The following KATNAL1 variants were observed in gnomAD, a reference collection of about 807,000 sequenced individuals.
KATNAL1 encodes the protein katanin catalytic subunit A1 like 1.
A neutral mutation model predicts 55.2 loss-of-function variants in KATNAL1; 32 were observed. The ratio of observed to expected loss-of-function variants is 0.58; its 90% CI spans 0.44 to 0.78. The LOEUF is 0.78. Ranked by LOEUF, KATNAL1 falls within the 30% of genes least tolerant of loss-of-function variation. KATNAL1 has a pLI of 0.00. For synonymous variants in KATNAL1, 193 were observed against 193.6 expected (o/e 1.00, Z 0.02); for missense variants, 466 against 600.9 (o/e 0.78, Z 2.35).
intron 3 of KATNAL1, among the ~76,000 whole-genome samples, chr13:30,265,270 G>A (rs938844014): frequency 7.2e-5 from 11 of 151,876 alleles, no homozygotes; most frequent in South Asian, 2.1e-4. Context: ...TATACCTAAC[G>A]CTAGATGACG....
chr13:30,211,382 C>A (rs2137340557), intron 9 of KATNAL1, among the ~76,000 whole-genome samples: 1 of 152,316 alleles, frequency 6.6e-6, no homozygotes, highest in Non-Finnish European at 1.5e-5. Flanking sequence ...TTAAATTCCC[C>A]AGCATGTATC....
intron 9 of KATNAL1, among the ~76,000 whole-genome samples, chr13:30,225,832 A>C (rs1451066181): frequency 6.6e-6 from 1 of 152,204 alleles, no homozygotes; most frequent in East Asian, 1.9e-4. Context: ...CTTCATCAAA[A>C]TTTAAAATGT....
chr13:30,218,390 T>C (rs545575373), intron 9 of KATNAL1, among the ~76,000 whole-genome samples: 1 of 152,128 alleles, frequency 6.6e-6, no homozygotes, highest in Admixed American at 6.5e-5. Flanking sequence ...CTGCCATAAT[T>C]TAGATGCTTA....
intron 3 of KATNAL1, among the ~76,000 whole-genome samples, chr13:30,255,983 CT>C (rs558840830): frequency 6.6e-6 from 1 of 151,794 alleles, no homozygotes; most frequent in African/African-American, 2.4e-5. Context: ...GAATAAGTAA[CT>C]TTTTTTTAGA....
At chr13:30,299,325 A>G (rs1311352511) in intron 1 of KATNAL1, among the ~76,000 whole-genome samples, 2 of 152,170 alleles carry the variant, frequency 1.3e-5, no homozygotes, top group East Asian at 3.8e-4. Context: ...AGGAAAAATA[A>G]TATTTATCAT....
chr13:30,285,590 T>C (rs1204980721), intron 1 of KATNAL1, among the ~76,000 whole-genome samples: 1 of 152,124 alleles, frequency 6.6e-6, no homozygotes, highest in East Asian at 1.9e-4. Flanking sequence ...CAGTCTCAAG[T>C]TTTTCTTCAC....
rs566078853 is a variant in KATNAL1, at chr13:30,276,534, A to G, written c.323+3529T>C. Among the ~76,000 whole-genome samples the G allele has an allele frequency of 8.5e-5, 13 of 152,100 alleles. No homozygotes were observed. The East Asian group carries it at 1.7e-3, about 20-fold the overall frequency. On this transcript the variant is annotated intron_variant, in intron 3 of 10. Transcript: ENST00000380615. ...GAGATGGCAAAAAAAAAAAAAAAGAAAAAACAAAACAAGATGAAGTAAATA... is the reference window on the plus strand; with the variant it reads ...GAGATGGCAAAAAAAAAAAAAAAGAGAAAACAAAACAAGATGAAGTAAATA...
intron 1 of KATNAL1, among the ~76,000 whole-genome samples, chr13:30,304,882 A>T (rs1220697778): frequency 6.6e-6 from 1 of 152,222 alleles, no homozygotes; most frequent in East Asian, 1.9e-4. Context: ...GAAACTGAGG[A>T]ATCAATCAGC....
intron 9 of KATNAL1, among the ~76,000 whole-genome samples, chr13:30,216,688 T>C (rs1593833765): frequency 1.3e-5 from 2 of 151,338 alleles, no homozygotes; most frequent in South Asian, 4.2e-4. Context: ...GCAGGAGGGG[T>C]AGGGAGAGAA....
rs137907358 is a variant in KATNAL1, at chr13:30,213,576, T to C, written c.1148-3134A>G. On this transcript the variant is annotated intron_variant, in intron 9 of 10. Coordinates refer to ENST00000380615, the MANE Select transcript of KATNAL1 (RefSeq NM_032116.5). ...AGCACATCTAAAAGCTTATCCACCA[T>C]GATCAAATGGGCTTCAACCCTGGGA... Among the ~76,000 whole-genome samples, 1,323 of 152,316 alleles carry C rather than the reference T, an allele frequency of 8.7e-3. 66 individuals carry two copies. Among genetic ancestry groups the C allele is most frequent in the Admixed American group, 0.079 (1,203 of 15,296 alleles).
chr13:30,231,520 T>TATAAA lies in KATNAL1; in HGVS notation c.727-49_727-48insTTTAT, dbSNP rs778240701. On this transcript the variant is annotated intron_variant, in intron 6 of 10. Transcript: ENST00000380615. ...AAATGATTTATCAGATTAAAAAATT[T>TATAAA]TTTTATAAATTATCATCAGCTATTA... 3 of 1,272,688 alleles carry TATAAA rather than the reference T, an allele frequency of 2.4e-6. No homozygotes were observed. The Admixed American group carries it at 9.1e-5, about 38-fold the overall frequency. The allele number at this position is 1,272,688 out of a possible 1,614,324, so 78.8% of individuals were successfully genotyped here.
intron 6 of KATNAL1, 56 bp downstream of exon 6, chr13:30,240,404 T>C: frequency 8.1e-7 from 1 of 1,234,320 alleles, no homozygotes. Flanking sequence ...AATGCTGCCT[T>C]TCATTCCAGT....
At chr13:30,212,650 C>T (rs1873800539) in intron 9 of KATNAL1, among the ~76,000 whole-genome samples, 1 of 152,200 alleles carries the variant, frequency 6.6e-6, no homozygotes, top group South Asian at 2.1e-4. Context: ...CAATTCACTC[C>T]TAGGATGGAA....
chr13:30,227,022 C>T (rs1212230096), intron 9 of KATNAL1, among the ~76,000 whole-genome samples: 1 of 151,976 alleles, frequency 6.6e-6, no homozygotes, highest in Non-Finnish European at 1.5e-5. Context: ...GTTGCAGTGA[C>T]CTGAGATCAT....
rs867209978 is a variant in KATNAL1, at chr13:30,270,818, G to A, written c.323+9245C>T. Among the ~76,000 whole-genome samples, 241 of 150,270 alleles carry A rather than the reference G, an allele frequency of 1.6e-3. 1 individual carries two copies. Among genetic ancestry groups the A allele is most frequent in the African/African-American group, 5.4e-3 (221 of 40,898 alleles). On this transcript the variant is annotated intron_variant, in intron 3 of 10. Transcript: ENST00000380615. ...CTGCCTAGGAAAACCAGAGACCTTT[G>A]TTCACTTGTTTATCTGCTGACCTTC... is the stretch of plus-strand genomic sequence containing the variant.
chr13:30,283,581 A>G (rs781065293), intron 2 of KATNAL1, 35 bp downstream of exon 2: 2 of 1,602,586 alleles, frequency 1.2e-6, no homozygotes, highest in Non-Finnish European at 1.7e-6. Context: ...GGGTACTGCC[A>G]TCCTAACTCA....
At chr13:30,261,647 A>C (rs536981187) in intron 3 of KATNAL1, among the ~76,000 whole-genome samples, 1 of 152,352 alleles carries the variant, frequency 6.6e-6, no homozygotes, top group Admixed American at 6.5e-5. Flanking sequence ...TAAAGGGATC[A>C]ATTCAACAAG....
chr13:30,271,882 A>G (rs1317519881), intron 3 of KATNAL1, among the ~76,000 whole-genome samples: 1 of 149,538 alleles, frequency 6.7e-6, no homozygotes, highest in East Asian at 1.9e-4. Flanking sequence ...AAAGAGGAAA[A>G]AAAAAAAAAA....
intron 4 of KATNAL1, among the ~76,000 whole-genome samples, chr13:30,253,124 G>A (rs1034041157): frequency 6.6e-5 from 10 of 152,134 alleles, no homozygotes; most frequent in Admixed American, 3.3e-4. Context: ...AAAACCTATC[G>A]CAGCCTTCAG....
Sources: allele counts gnomAD v4.1 joint callset (sites outside exome capture counted in the v4.1 genomes callset), GRCh38; gene constraint gnomAD v4.1.1; transcripts MANE v1.5; gene names NCBI Gene and HGNC (gene_info 2026-07-23, HGNC 2026-07-21).